The following TRAF3IP3 variants were observed in gnomAD, a reference collection of about 807,000 sequenced individuals.
TRAF3IP3 encodes the protein TRAF3-interacting JNK-activating modulator.
A neutral mutation model predicts 86.5 loss-of-function variants in TRAF3IP3; 64 were observed. That is an observed-to-expected ratio of 0.74 (90% CI 0.60 to 0.91). The LOEUF is 0.91. Ranked by LOEUF, TRAF3IP3 falls within the 40% of genes least tolerant of loss-of-function variation. TRAF3IP3 has a pLI of 0.00. For synonymous variants in TRAF3IP3, 220 were observed against 243.9 expected (o/e 0.90, Z 0.91); for missense variants, 579 against 642.9 (o/e 0.90, Z 1.07).
At chr1:209,766,106 TG>T (rs1325610917) in intron 8 of TRAF3IP3, among the ~76,000 whole-genome samples, 1 of 152,140 alleles carries the variant, frequency 6.6e-6, no homozygotes, top group Non-Finnish European at 1.5e-5. Flanking sequence ...AGAAAGATGA[TG>T]GGAGAGTATG....
At chr1:209,781,935 T>C (rs1463397428) in intron 16 of TRAF3IP3, 121 bp from the exon 17 acceptor site, 2 of 748,358 alleles carry the variant, frequency 2.7e-6, no homozygotes, top group Non-Finnish European at 4.5e-6. Context: ...GTAAAAAGCT[T>C]TTTCTCCACC....
At chr1:209,774,672 A>G (rs2077615755) in intron 9 of TRAF3IP3, among the ~76,000 whole-genome samples, 1 of 152,236 alleles carries the variant, frequency 6.6e-6, no homozygotes, top group African/African-American at 2.4e-5. Context: ...AGGAGCCATG[A>G]CAAGGAGTTT....
chr1:209,758,244 G>A (rs925889226), intron 1 of TRAF3IP3, among the ~76,000 whole-genome samples: 10 of 152,180 alleles, frequency 6.6e-5, no homozygotes, highest in Non-Finnish European at 1.2e-4. Flanking sequence ...ACCCTTATCC[G>A]AGAAGAAGAA....
At chr1:209,758,668 T>C (rs1444175365) in intron 1 of TRAF3IP3, 1 of 152,052 alleles carries the variant, frequency 6.6e-6, no homozygotes, top group Non-Finnish European at 1.5e-5. Flanking sequence ...GGTAATGAGG[T>C]CGTGGGAGGA....
At chr1:209,756,758 A>G (rs2077161268) in intron 1 of TRAF3IP3, among the ~76,000 whole-genome samples, 1 of 152,196 alleles carries the variant, frequency 6.6e-6, no homozygotes, top group Non-Finnish European at 1.5e-5. Flanking sequence ...TGTCTCCATT[A>G]CAAACATGGC....
chr1:209,776,129 G>A lies in TRAF3IP3; in HGVS notation c.1053+393G>A, dbSNP rs41303065. The A allele has an allele frequency of 8.5e-3, 1,401 of 164,670 alleles. 12 individuals carry two copies. Among genetic ancestry groups the A allele is most frequent in the Non-Finnish European group, 0.011 (855 of 75,934 alleles). The allele number at this position is 164,670 out of a possible 1,614,324, so 10.2% of individuals were successfully genotyped here. ...ATGTCACTAATTTATTTACAGGTGA[G>A]TATTAACACTTTCTGCCAATGTGTA... On this transcript the variant is annotated intron_variant, in intron 11 of 16. Transcript: ENST00000367025.
At chr1:209,767,336 T>C (rs1200287334) in intron 8 of TRAF3IP3, among the ~76,000 whole-genome samples, 2 of 152,192 alleles carry the variant, frequency 1.3e-5, no homozygotes, top group Non-Finnish European at 2.9e-5. Flanking sequence ...GGCTCATCCT[T>C]AGAAGGTATG....
intron 8 of TRAF3IP3, among the ~76,000 whole-genome samples, chr1:209,770,468 G>GT: frequency 7.0e-6 from 1 of 142,852 alleles, no homozygotes; most frequent in East Asian, 2.1e-4. Flanking sequence ...TGCATGTGGA[G>GT]GTGTGTGTGT....
chr1:209,762,235 G>C (rs2077258796), intron 3 of TRAF3IP3, among the ~76,000 whole-genome samples: 1 of 152,186 alleles, frequency 6.6e-6, no homozygotes, highest in Non-Finnish European at 1.5e-5. Flanking sequence ...ACAAGGCAGA[G>C]AGCAGAGAGA....
At chr1:209,761,761 G>C (rs1300729083) in intron 3 of TRAF3IP3, among the ~76,000 whole-genome samples, 1 of 152,230 alleles carries the variant, frequency 6.6e-6, no homozygotes, top group Non-Finnish European at 1.5e-5. Context: ...AGAAGACTGA[G>C]ACCTAGAAAA....
intron 9 of TRAF3IP3, among the ~76,000 whole-genome samples, chr1:209,773,884 C>T (rs1202393133): frequency 6.6e-6 from 1 of 152,236 alleles, no homozygotes; most frequent in Non-Finnish European, 1.5e-5. Flanking sequence ...CAGTGCCCAG[C>T]ATGGATGGTC....
At position 209,775,823 on chromosome 1, in the gene TRAF3IP3, A is replaced by G. The variant is rs1264475204; in HGVS notation, c.1053+87A>G. 6 of 1,333,854 alleles carry G rather than the reference A, an allele frequency of 4.5e-6. No homozygotes were observed. The Admixed American group carries it at 7.5e-5, about 17-fold the overall frequency. 82.6% of individuals were successfully genotyped at this position (1,333,854 alleles called of 1,614,324 possible). On this transcript the variant is annotated intron_variant, in intron 11 of 16. Coordinates refer to ENST00000367025, the MANE Select transcript of TRAF3IP3 (RefSeq NM_025228.4). ...GAAGCTGTTCTGGATTAGGGACTCCAAAGGCAGCTGACAGCATCTGGCTTT... is the reference window on the plus strand; with the variant it reads ...GAAGCTGTTCTGGATTAGGGACTCCGAAGGCAGCTGACAGCATCTGGCTTT...
intron 12 of TRAF3IP3, 26 bp downstream of exon 12, chr1:209,777,513 G>A (rs774004990): frequency 4.9e-5 from 77 of 1,570,604 alleles, no homozygotes; most frequent in Non-Finnish European, 6.0e-5. Context: ...GAGGCCTTGA[G>A]TGCATGGCAG....
chr1:209,764,436 G>A (rs1311713284), intron 8 of TRAF3IP3, among the ~76,000 whole-genome samples: 4 of 152,140 alleles, frequency 2.6e-5, no homozygotes, highest in Non-Finnish European at 5.9e-5. Flanking sequence ...TTTAGTTGGG[G>A]TACAGGCAAA....
chr1:209,765,001 C>G (rs1373960421), intron 8 of TRAF3IP3, among the ~76,000 whole-genome samples: 1 of 151,992 alleles, frequency 6.6e-6, no homozygotes, highest in African/African-American at 2.4e-5. Context: ...ATGGCAAAAC[C>G]CTGTCTCTAC....
At chr1:209,772,137 G>A (rs1427788613) in intron 8 of TRAF3IP3, among the ~76,000 whole-genome samples, 1 of 151,994 alleles carries the variant, frequency 6.6e-6, no homozygotes, top group African/African-American at 2.4e-5. Context: ...TCCTAGGGCT[G>A]CTATGACAAA....
intron 2 of TRAF3IP3, 127 bp downstream of exon 2, chr1:209,759,261 C>T (rs1034037312): frequency 6.6e-6 from 1 of 152,262 alleles, no homozygotes; most frequent in South Asian, 2.1e-4. Context: ...ACTTGATCTG[C>T]ACCTGAGAGA....
At chr1:209,775,819 C>CCACCGAGA in intron 11 of TRAF3IP3, 83 bp downstream of exon 11, 3 of 1,363,462 alleles carry the variant, frequency 2.2e-6, no homozygotes, top group Admixed American at 2.4e-5. Context: ...GGATTAGGGA[C>CCACCGAGA]TCCAAAGGCA....
chr1:209,768,496 A>G, intron 8 of TRAF3IP3: 1 of 985,574 alleles, frequency 1.0e-6, no homozygotes, highest in Non-Finnish European at 1.2e-6. Flanking sequence ...TTGAGATGAC[A>G]GCGCAGCGGG....
Sources: gnomAD v4.1 joint callset for allele counts (sites outside exome capture counted in the v4.1 genomes callset) on GRCh38, gnomAD v4.1.1 for gene constraint, MANE v1.5 for transcripts, NCBI Gene and HGNC (gene_info 2026-07-23, HGNC 2026-07-21) for gene names.